The following STPG2 variants were observed in gnomAD, a reference collection of about 807,000 sequenced individuals.
The protein encoded by STPG2 is sperm-tail PG-rich repeat-containing protein 2.
In STPG2, 56 loss-of-function variants were observed where a neutral mutation model predicts 54.2. The ratio of observed to expected loss-of-function variants is 1.03; its 90% CI spans 0.83 to 1.29. The LOEUF is 1.29. Ranked by LOEUF, STPG2 falls within the 50% of genes most tolerant of loss-of-function variation. The pLI, the probability that STPG2 is intolerant of heterozygous loss-of-function variation, is 0.00. For synonymous variants in STPG2, 200 were observed against 181.8 expected (o/e 1.10, Z -0.81); for missense variants, 596 against 544.9 (o/e 1.09, Z -0.93).
At chr4:97,594,056 G>C (rs1733216734) in intron 10 of STPG2, among the ~76,000 whole-genome samples, 1 of 152,328 alleles carries the variant, frequency 6.6e-6, no homozygotes, top group African/African-American at 2.4e-5. Context: ...AGATGAGAAA[G>C]AAGCAGCACA....
chr4:98,039,681 T>TAC, intron 5 of STPG2, among the ~76,000 whole-genome samples: 1 of 124,660 alleles, frequency 8.0e-6, no homozygotes, highest in Non-Finnish European at 1.8e-5. Flanking sequence ...ACATATGTGA[T>TAC]ACATATATAT....
chr4:98,128,013 C>T (rs1739878395), intron 3 of STPG2, among the ~76,000 whole-genome samples: 1 of 152,192 alleles, frequency 6.6e-6, no homozygotes, highest in African/African-American at 2.4e-5. Context: ...CTGAGATACA[C>T]AGACTATATT....
chr4:97,583,403 T>C (rs549301998), intron 10 of STPG2, among the ~76,000 whole-genome samples: 5 of 151,956 alleles, frequency 3.3e-5, no homozygotes, highest in Non-Finnish European at 1.5e-5. Context: ...TAACAGAAAT[T>C]GAATTAACAG....
intron 8 of STPG2, among the ~76,000 whole-genome samples, chr4:97,867,097 A>G (rs1729815734): frequency 1.3e-5 from 2 of 151,946 alleles, no homozygotes; most frequent in South Asian, 4.1e-4. Context: ...GCAGCCTAGA[A>G]TCTGTTTATT....
intron 5 of STPG2, among the ~76,000 whole-genome samples, chr4:98,014,622 T>C (rs1036255536): frequency 6.6e-6 from 1 of 152,200 alleles, no homozygotes; most frequent in Non-Finnish European, 1.5e-5. Flanking sequence ...TTAACCTCTA[T>C]ATTATTAGAG....
At chr4:97,681,265 C>G (rs1723025252) in intron 10 of STPG2, among the ~76,000 whole-genome samples, 1 of 151,772 alleles carries the variant, frequency 6.6e-6, no homozygotes, top group African/African-American at 2.4e-5. Flanking sequence ...AGTAGTAACT[C>G]TGACCTCAGA....
At chr4:97,946,909 T>C (rs945998827) in intron 7 of STPG2, among the ~76,000 whole-genome samples, 5 of 152,130 alleles carry the variant, frequency 3.3e-5, no homozygotes, top group Non-Finnish European at 5.9e-5. Context: ...TGTAGGATTG[T>C]TTCTTTTAAT....
At chr4:97,721,673 A>C (rs1724452960) in intron 9 of STPG2, among the ~76,000 whole-genome samples, 1 of 152,130 alleles carries the variant, frequency 6.6e-6, no homozygotes, top group Non-Finnish European at 1.5e-5. Context: ...ACTGAAATAA[A>C]CAAAACATAT....
intron 9 of STPG2, among the ~76,000 whole-genome samples, chr4:97,720,043 T>C (rs887285188): frequency 6.6e-6 from 1 of 151,992 alleles, no homozygotes; most frequent in Non-Finnish European, 1.5e-5. Flanking sequence ...GTGGATGTCA[T>C]ACTATTTTAA....
At chr4:98,051,347 G>A (rs1352786586) in intron 5 of STPG2, among the ~76,000 whole-genome samples, 1 of 152,076 alleles carries the variant, frequency 6.6e-6, no homozygotes, top group African/African-American at 2.4e-5. Flanking sequence ...AGGTTTTTAT[G>A]GTTTGAATAT....
intron 9 of STPG2, among the ~76,000 whole-genome samples, chr4:97,726,193 G>C (rs1724619887): frequency 6.6e-6 from 1 of 151,860 alleles, no homozygotes; most frequent in Non-Finnish European, 1.5e-5. Context: ...ATCAACTCAA[G>C]AAAAAAGTAG....
intron 4 of STPG2, among the ~76,000 whole-genome samples, chr4:97,495,725 AAC>A (rs1730597571): frequency 6.6e-6 from 1 of 150,670 alleles, no homozygotes; most frequent in Non-Finnish European, 1.5e-5. Context: ...AAAAAAAAAA[AAC>A]ACAGAACTAC....
At chr4:98,046,118 T>C (rs2149310604) in intron 5 of STPG2, among the ~76,000 whole-genome samples, 1 of 152,160 alleles carries the variant, frequency 6.6e-6, no homozygotes, top group South Asian at 2.1e-4. Context: ...CACTGATCAT[T>C]TCTTCTGTTC....
intron 10 of STPG2, among the ~76,000 whole-genome samples, chr4:97,670,715 C>A (rs1165579363): frequency 6.6e-6 from 1 of 152,150 alleles, no homozygotes; most frequent in African/African-American, 2.4e-5. Flanking sequence ...TCCCTTTTTA[C>A]AAGTGGTGTG....
At chr4:98,035,963 G>A (rs181369125) in intron 5 of STPG2, among the ~76,000 whole-genome samples, 301 of 152,162 alleles carry the variant, frequency 2.0e-3, no homozygotes, top group African/African-American at 7.1e-3. Flanking sequence ...GGGGCTAGGG[G>A]AGGGATAGCA....
chr4:98,060,721 T>G (rs936246067), intron 5 of STPG2, among the ~76,000 whole-genome samples: 1 of 152,068 alleles, frequency 6.6e-6, no homozygotes, highest in Non-Finnish European at 1.5e-5. Context: ...AACAGGCACA[T>G]AGACCAATGG....
chr4:97,545,305 A>G (rs2148864335), intron 4 of STPG2, among the ~76,000 whole-genome samples: 1 of 152,282 alleles, frequency 6.6e-6, no homozygotes, highest in East Asian at 1.9e-4. Context: ...CTAGAGAAGC[A>G]TTGGCTCATA....
chr4:97,737,059 A>C (rs926279808), intron 9 of STPG2, among the ~76,000 whole-genome samples: 5 of 152,140 alleles, frequency 3.3e-5, no homozygotes, highest in African/African-American at 1.2e-4. Flanking sequence ...TCACAAAAAT[A>C]CGCTGTTCTG....
At chr4:97,791,207 T>TC (rs1239379424) in intron 9 of STPG2, among the ~76,000 whole-genome samples, 1 of 152,122 alleles carries the variant, frequency 6.6e-6, no homozygotes, top group Admixed American at 6.6e-5. Flanking sequence ...TTGAACTTTT[T>TC]CCCACACTAA....
Sources: allele counts gnomAD v4.1 joint callset (sites outside exome capture counted in the v4.1 genomes callset), GRCh38; gene constraint gnomAD v4.1.1; transcripts MANE v1.5; gene names NCBI Gene and HGNC (gene_info 2026-07-23, HGNC 2026-07-21).